Variants in ZFAND3 observed in about 807,000 individuals in gnomAD.
ZFAND3 encodes the protein zinc finger AN1-type containing 3.
In ZFAND3, 10 loss-of-function variants were observed where a neutral mutation model predicts 29.6. The ratio of observed to expected loss-of-function variants is 0.34; its 90% CI spans 0.21 to 0.57. The LOEUF is 0.57. ZFAND3 is among the 20% of genes least tolerant of loss of function. ZFAND3 has a pLI of 0.86. For missense variants in ZFAND3, 230 were observed against 304.5 expected (o/e 0.76, Z 1.82); for synonymous variants, 128 against 112.6 (o/e 1.14, Z -0.87).
chr6:37,824,453 A>G (rs190493727), intron 1 of ZFAND3, among the ~76,000 whole-genome samples: 2 of 152,338 alleles, frequency 1.3e-5, no homozygotes, highest in East Asian at 1.9e-4. Context: ...TATGTGTATT[A>G]TAGGATAATA....
At chr6:38,065,007 G>A (rs1442670124) in intron 3 of ZFAND3, among the ~76,000 whole-genome samples, 2 of 152,140 alleles carry the variant, frequency 1.3e-5, no homozygotes, top group Admixed American at 1.3e-4. Context: ...AAGTGAGGTT[G>A]CCAAGAGTGA....
At chr6:37,898,664 A>C (rs1013780240) in intron 1 of ZFAND3, among the ~76,000 whole-genome samples, 3 of 152,166 alleles carry the variant, frequency 2.0e-5, no homozygotes, top group African/African-American at 7.2e-5. Flanking sequence ...AACCCTGTAC[A>C]TCTTTTAGAT....
intron 5 of ZFAND3, among the ~76,000 whole-genome samples, chr6:38,125,213 T>TC (rs1196548397): frequency 6.6e-6 from 1 of 152,222 alleles, no homozygotes; most frequent in Non-Finnish European, 1.5e-5. Flanking sequence ...CTATCTGTAT[T>TC]CCCCATTTAA....
At chr6:38,108,465 A>G (rs1368330676) in intron 4 of ZFAND3, among the ~76,000 whole-genome samples, 2 of 152,178 alleles carry the variant, frequency 1.3e-5, no homozygotes, top group East Asian at 3.9e-4. Flanking sequence ...CTGACAGTAC[A>G]CGCTTTAGCC....
intron 2 of ZFAND3, among the ~76,000 whole-genome samples, chr6:37,988,193 CATT>C (rs1326566782): frequency 6.6e-6 from 1 of 152,210 alleles, no homozygotes; most frequent in Non-Finnish European, 1.5e-5. Flanking sequence ...TACACAGCTG[CATT>C]ATTATTACCC....
At chr6:37,876,770 A>G (rs1581727669) in intron 1 of ZFAND3, among the ~76,000 whole-genome samples, 1 of 152,212 alleles carries the variant, frequency 6.6e-6, no homozygotes, top group African/African-American at 2.4e-5. Flanking sequence ...TGATAGGAAA[A>G]TAATGTTTAT....
At chr6:38,032,932 C>T (rs963891866) in intron 2 of ZFAND3, among the ~76,000 whole-genome samples, 6 of 152,066 alleles carry the variant, frequency 3.9e-5, no homozygotes, top group South Asian at 2.1e-4. Context: ...ATGTACTATG[C>T]AGAGTCCATG....
chr6:38,099,825 C>T (rs887906461), intron 4 of ZFAND3, among the ~76,000 whole-genome samples: 1 of 152,182 alleles, frequency 6.6e-6, no homozygotes, highest in Admixed American at 6.5e-5. Context: ...AGTCAAACAA[C>T]TCTCTTCAAA....
In ZFAND3 at chr6:37,837,561, A is replaced by G. The variant is rs944281360; in HGVS notation, c.71+17545A>G. ...CTCTTGTTGCCCAGGCTGGAGTGCA[A>G]TGGTGCAATCTTGGCTCACTGCAAC... On this transcript the variant is annotated intron_variant, in intron 1 of 5. Coordinates refer to ENST00000287218, the MANE Select transcript of ZFAND3 (RefSeq NM_021943.3). Among the ~76,000 whole-genome samples the G allele has an allele frequency of 8.6e-5, 13 of 151,256 alleles. No individual in the cohort carries two copies. In the South Asian group the frequency reaches 1.3e-3, roughly 15 times the overall value.
At chr6:38,070,662 G>C (rs1325935433) in intron 3 of ZFAND3, among the ~76,000 whole-genome samples, 2 of 152,024 alleles carry the variant, frequency 1.3e-5, no homozygotes, top group African/African-American at 4.8e-5. Flanking sequence ...CGTGGCTAAT[G>C]GTGCATATGT....
At chr6:38,063,021 C>G (rs1764272560) in intron 3 of ZFAND3, among the ~76,000 whole-genome samples, 1 of 151,278 alleles carries the variant, frequency 6.6e-6, no homozygotes, top group Admixed American at 6.6e-5. Flanking sequence ...CCCAGGAGTT[C>G]AGGGTTACAG....
chr6:37,947,553 G>A (rs1273935781), intron 2 of ZFAND3, among the ~76,000 whole-genome samples: 1 of 152,096 alleles, frequency 6.6e-6, no homozygotes, highest in African/African-American at 2.4e-5. Flanking sequence ...AGTTTGAAAA[G>A]TCAAAATATT....
intron 1 of ZFAND3, among the ~76,000 whole-genome samples, chr6:37,913,321 G>A (rs914690928): frequency 6.6e-6 from 1 of 152,292 alleles, no homozygotes; most frequent in African/African-American, 2.4e-5. Context: ...CTGAGTTTAT[G>A]TAATATTCTA....
chr6:37,955,227 T>C (rs902306118), intron 2 of ZFAND3, among the ~76,000 whole-genome samples: 8 of 152,152 alleles, frequency 5.3e-5, no homozygotes, highest in African/African-American at 1.7e-4. Context: ...TGATACATTT[T>C]GGCAGTCTAT....
chr6:38,097,249 A>ATTTT lies in ZFAND3; in HGVS notation c.361+14809_361+14812dup, dbSNP rs1190146160. 9.1e-3 allele frequency among the ~76,000 whole-genome samples: 1,118 copies of ATTTT among 123,426 alleles called. 23 individuals carry two copies. Among genetic ancestry groups the ATTTT allele is most frequent in the East Asian group, 0.081 (349 of 4,310 alleles). 81.0% of individuals were successfully genotyped at this position (123,426 alleles called of 152,430 possible). ...CACCAGCACACCCGGTTAATTTTTC[A>ATTTT]TTTTTTTTTTTTTTTTTTTTAAGAG... On this transcript the variant is annotated intron_variant, in intron 4 of 5. Coordinates refer to ENST00000287218, the MANE Select transcript of ZFAND3 (RefSeq NM_021943.3).
At chr6:37,843,931 T>C (rs901403566) in intron 1 of ZFAND3, among the ~76,000 whole-genome samples, 2 of 152,146 alleles carry the variant, frequency 1.3e-5, no homozygotes, top group Non-Finnish European at 1.5e-5. Flanking sequence ...TTTTCTTTTT[T>C]TGGGGGGACA....
intron 1 of ZFAND3, among the ~76,000 whole-genome samples, chr6:37,914,662 C>CTTTTTTTTT (rs1327923079): frequency 1.6e-5 from 1 of 62,474 alleles, no homozygotes; most frequent in Non-Finnish European, 3.6e-5. Flanking sequence ...TTCTTTCTTT[C>CTTTTTTTTT]TTTTTTTTTC....
chr6:37,962,891 G>A (rs1279415609), intron 2 of ZFAND3, among the ~76,000 whole-genome samples: 1 of 152,134 alleles, frequency 6.6e-6, no homozygotes, highest in African/African-American at 2.4e-5. Flanking sequence ...GAATGTCTGC[G>A]GCTTCACTCC....
At chr6:38,138,075 G>A (rs866459139) in intron 5 of ZFAND3, among the ~76,000 whole-genome samples, 24 of 152,134 alleles carry the variant, frequency 1.6e-4, no homozygotes, top group Middle Eastern at 3.2e-3. Flanking sequence ...CACTGGGGAC[G>A]CGGAGGTGGG....
Sources: allele counts gnomAD v4.1 joint callset (sites outside exome capture counted in the v4.1 genomes callset), GRCh38; gene constraint gnomAD v4.1.1; transcripts MANE v1.5; gene names NCBI Gene and HGNC (gene_info 2026-07-23, HGNC 2026-07-21).